Variants in STK24 observed in about 807,000 individuals in gnomAD.
STK24 encodes the protein serine/threonine-protein kinase 24.
Under a neutral mutation model 55.6 loss-of-function variants are expected in STK24, and 21 were observed. The ratio of observed to expected loss-of-function variants is 0.38; its 90% CI spans 0.27 to 0.54. STK24 has a LOEUF of 0.54. Among genes scored for constraint, STK24 ranks in the 20% least tolerant of loss-of-function variants. STK24 has a pLI of 0.79. For missense variants in STK24, 383 were observed against 538.4 expected (o/e 0.71, Z 2.86); for synonymous variants, 200 against 215.2 (o/e 0.93, Z 0.62).
At chr13:98,484,525 A>T (rs1302581682) in intron 2 of STK24, among the ~76,000 whole-genome samples, 1 of 152,102 alleles carries the variant, frequency 6.6e-6, no homozygotes, top group African/African-American at 2.4e-5. Flanking sequence ...GACTTAGGGG[A>T]CTGAGGGTCA....
At chr13:98,516,336 G>T (rs1566379953) in intron 2 of STK24, among the ~76,000 whole-genome samples, 2 of 152,208 alleles carry the variant, frequency 1.3e-5, no homozygotes, top group Non-Finnish European at 2.9e-5. Context: ...AATCTGCTTA[G>T]TAAAATACAG....
chr13:98,472,381 T>C (rs184816128), intron 5 of STK24, among the ~76,000 whole-genome samples: 10 of 152,202 alleles, frequency 6.6e-5, no homozygotes, highest in African/African-American at 1.9e-4. Context: ...TCAAGGAAGG[T>C]GGGTGCGGAT....
chr13:98,511,321 C>T lies in STK24; in HGVS notation c.273+7922G>A, dbSNP rs552853360. Among the ~76,000 whole-genome samples the T allele has an allele frequency of 1.4e-3, 210 of 152,298 alleles. 2 individuals are homozygous for T. Among genetic ancestry groups the T allele is most frequent in the Admixed American group, 2.4e-3 (37 of 15,306 alleles). ...ACTACAATGAAATACCATTCCACAC[C>T]TACTAAAATGGCAAACATGAAAATT... On this transcript the variant is annotated intron_variant, in intron 2 of 10. Transcript: ENST00000539966.
At chr13:98,511,544 C>T (rs1222195815) in intron 2 of STK24, among the ~76,000 whole-genome samples, 2 of 152,206 alleles carry the variant, frequency 1.3e-5, no homozygotes, top group African/African-American at 4.8e-5. Flanking sequence ...ATTCTGGAAA[C>T]ACCCACATGT....
intron 6 of STK24, among the ~76,000 whole-genome samples, chr13:98,464,040 G>A (rs547750787): frequency 6.6e-6 from 1 of 152,168 alleles, no homozygotes; most frequent in Non-Finnish European, 1.5e-5. Flanking sequence ...GGTGGGCAGG[G>A]CACTGTCTTT....
chr13:98,475,487 C>A (rs1894332779), intron 3 of STK24, 129 bp from the exon 4 acceptor site: 3 of 641,606 alleles, frequency 4.7e-6, no homozygotes, highest in Non-Finnish European at 7.8e-6. Flanking sequence ...TCACTTAAAA[C>A]ACATGATTTT....
In STK24 at chr13:98,450,846, A is replaced by C. The variant is rs780252356; in HGVS notation, c.*2327T>G. The C allele has an allele frequency of 6.6e-6, 1 of 152,268 alleles. No individual in the cohort carries two copies. Among genetic ancestry groups the C allele is most frequent in the Admixed American group, 6.5e-5 (1 of 15,288 alleles). 9.4% of individuals were successfully genotyped at this position (152,268 alleles called of 1,614,324 possible). The stretch of plus-strand genomic sequence containing the variant: ...CAGCTTCCTTGGCTAAGATGCCCTT[A>C]AAAACATTGGGGCTGATTTTGTGCG... On this transcript the variant is annotated 3_prime_UTR_variant, in exon 11 of 11. Transcript: ENST00000539966.
chr13:98,491,242 T>C (rs1439325242), intron 2 of STK24, among the ~76,000 whole-genome samples: 3 of 152,182 alleles, frequency 2.0e-5, no homozygotes, highest in Admixed American at 6.5e-5. Context: ...CCTAAACTAA[T>C]GTCCAAGTTC....
chr13:98,493,410 C>A (rs1212416913), intron 2 of STK24, among the ~76,000 whole-genome samples: 1 of 152,130 alleles, frequency 6.6e-6, no homozygotes, highest in Non-Finnish European at 1.5e-5. Context: ...AATACAACTA[C>A]AAATAACCTA....
In STK24 at chr13:98,448,150, C is replaced by T. The variant is rs2139190016; in HGVS notation, c.*5023G>A. Reference sequence around the variant, plus strand: ...TTACCAACCAGGCGGCCTGACTTCACCTTGTGTTTCTGTAAGCGATGCCCA... The same window carrying T: ...TTACCAACCAGGCGGCCTGACTTCATCTTGTGTTTCTGTAAGCGATGCCCA... On this transcript the variant is annotated 3_prime_UTR_variant, in exon 11 of 11. Coordinates refer to ENST00000539966, the MANE Select transcript of STK24 (RefSeq NM_001032296.4). 2 of 1,178,698 alleles carry T rather than the reference C, an allele frequency of 1.7e-6. No individual in the cohort carries two copies. The highest frequency in any genetic ancestry group is 2.3e-5 in the East Asian group (1 of 42,780). 73.0% of individuals were successfully genotyped at this position (1,178,698 alleles called of 1,614,324 possible).
At chr13:98,471,464 G>A (rs1181141650) in intron 5 of STK24, among the ~76,000 whole-genome samples, 1 of 152,144 alleles carries the variant, frequency 6.6e-6, no homozygotes, top group African/African-American at 2.4e-5. Flanking sequence ...AGTGAGCAGA[G>A]GTATCTCCCT....
chr13:98,448,170 T>A lies in STK24; in HGVS notation c.*5003A>T. The stretch of plus-strand genomic sequence containing the variant: ...CTTCACCTTGTGTTTCTGTAAGCGA[T>A]GCCCACCAAAGTGTCAGGAGTCCGT... On this transcript the variant is annotated 3_prime_UTR_variant, in exon 11 of 11. Transcript: ENST00000539966. 2.2e-6 allele frequency: 3 copies of A among 1,348,210 alleles called. No homozygotes were observed. Among genetic ancestry groups the A allele is most frequent in the Non-Finnish European group, 2.1e-6 (2 of 939,916 alleles). 83.5% of individuals were successfully genotyped at this position (1,348,210 alleles called of 1,614,324 possible).
chr13:98,512,494 G>A (rs996508525), intron 2 of STK24, among the ~76,000 whole-genome samples: 2 of 151,666 alleles, frequency 1.3e-5, no homozygotes, highest in African/African-American at 2.4e-5. Flanking sequence ...GAAGAGCCCT[G>A]CTTTAGCACT....
intron 1 of STK24, among the ~76,000 whole-genome samples, chr13:98,535,245 G>A (rs557376022): frequency 1.3e-5 from 2 of 149,306 alleles, no homozygotes; most frequent in East Asian, 1.9e-4. Flanking sequence ...GCTGAGGCAG[G>A]AGAATCACTT....
At chr13:98,527,555 G>A (rs1896466603) in intron 1 of STK24, among the ~76,000 whole-genome samples, 2 of 152,258 alleles carry the variant, frequency 1.3e-5, no homozygotes, top group African/African-American at 2.4e-5. Flanking sequence ...CCACACCTGG[G>A]CAACTCTCCC....
intron 3 of STK24, among the ~76,000 whole-genome samples, chr13:98,476,828 C>T (rs1894396369): frequency 6.6e-6 from 1 of 152,252 alleles, no homozygotes; most frequent in Non-Finnish European, 1.5e-5. Context: ...TCAGAGGTGG[C>T]CTCTCCTCAC....
intron 2 of STK24, among the ~76,000 whole-genome samples, chr13:98,513,579 TTC>T (rs2139370451): frequency 6.6e-6 from 1 of 152,334 alleles, no homozygotes; most frequent in Admixed American, 6.5e-5. Flanking sequence ...CTCGGTTCTC[TTC>T]TCTGTTAAGA....
rs1594642049 is a variant in STK24, at chr13:98,527,628, T to C, written c.43-8155A>G. ...ACCCACCTCCATGTGCCCCTGTGCC[T>C]TGAACGACTGGGGAGGGCACACAGG... On this transcript the variant is annotated intron_variant, in intron 1 of 10. Transcript: ENST00000539966. Among the ~76,000 whole-genome samples, 4 of 152,164 alleles carry C rather than the reference T, an allele frequency of 2.6e-5. No homozygotes were observed. In the East Asian group the frequency reaches 7.8e-4, roughly 30 times the overall value.
intron 3 of STK24, among the ~76,000 whole-genome samples, chr13:98,477,782 T>C (rs1242896679): frequency 2.0e-5 from 3 of 151,998 alleles, no homozygotes; most frequent in Non-Finnish European, 4.4e-5. Context: ...AGATCTGGAC[T>C]TAACCACCTC....
Sources: allele counts gnomAD v4.1 joint callset (sites outside exome capture counted in the v4.1 genomes callset), GRCh38; gene constraint gnomAD v4.1.1; transcripts MANE v1.5; gene names NCBI Gene and HGNC (gene_info 2026-07-23, HGNC 2026-07-21).